The following AUTS2 variants were observed in gnomAD, a reference collection of about 807,000 sequenced individuals.
The protein encoded by AUTS2 is autism susceptibility gene 2 protein.
AUTS2 carries 17 observed loss-of-function variants against 112.4 expected under a neutral mutation model. The observed-to-expected ratio is 0.15, with a 90% confidence interval of 0.10 to 0.23. AUTS2 has a LOEUF of 0.23. Among genes scored for constraint, AUTS2 ranks in the 10% least tolerant of loss-of-function variants. AUTS2 has a pLI of 1.00. For missense variants in AUTS2, 1,510 were observed against 1,701.6 expected, an observed-to-expected ratio of 0.89 and a Z score of 1.98; for synonymous variants, 751 against 702.7, an observed-to-expected ratio of 1.07 and a Z score of -1.09.
chr7:70,560,041 C>T (rs1801416523), intron 5 of AUTS2, among the ~76,000 whole-genome samples: 1 of 152,186 alleles, frequency 6.6e-6, no homozygotes, highest in Non-Finnish European at 1.5e-5. Flanking sequence ...GTCACGCTGG[C>T]CTTTGGTCTG....
chr7:69,646,399 T>A (rs965643955), intron 1 of AUTS2, among the ~76,000 whole-genome samples: 2 of 152,198 alleles, frequency 1.3e-5, no homozygotes, highest in Non-Finnish European at 2.9e-5. Context: ...TCAGAGTGAC[T>A]TAATTGTAAC....
rs1796717969 is a variant in AUTS2, at chr7:69,679,913, G to A, written c.309+79951G>A. Among the ~76,000 whole-genome samples the A allele has an allele frequency of 2.0e-5, 3 of 152,084 alleles. No individual in the cohort carries two copies. The South Asian group carries it at 6.2e-4, about 32-fold the overall frequency. On this transcript the variant is annotated intron_variant, in intron 1 of 18. Coordinates refer to ENST00000342771, the MANE Select transcript of AUTS2 (RefSeq NM_015570.4). ...TTTTTTTAACTTTTGTGACACACAA[G>A]GACCTTTGAATGAAATCAGTCCCCT... is the stretch of plus-strand genomic sequence containing the variant.
intron 4 of AUTS2, among the ~76,000 whole-genome samples, chr7:70,322,902 C>A (rs1005590099): frequency 6.6e-6 from 1 of 152,206 alleles, no homozygotes; most frequent in Non-Finnish European, 1.5e-5. Context: ...AAAGCCCTAG[C>A]TCTCTTCATC....
chr7:70,494,477 G>C (rs1345010160), intron 5 of AUTS2, among the ~76,000 whole-genome samples: 1 of 152,136 alleles, frequency 6.6e-6, no homozygotes, highest in African/African-American at 2.4e-5. Context: ...TTTAGAGACG[G>C]GAGCCATAAT....
intron 5 of AUTS2, among the ~76,000 whole-genome samples, chr7:70,651,748 T>C (rs1377393755): frequency 6.6e-6 from 1 of 152,216 alleles, no homozygotes; most frequent in Non-Finnish European, 1.5e-5. Context: ...CATCTGTATG[T>C]TGATTTAGCT....
chr7:69,846,821 G>A (rs1792223139), intron 1 of AUTS2, among the ~76,000 whole-genome samples: 1 of 152,192 alleles, frequency 6.6e-6, no homozygotes, highest in African/African-American at 2.4e-5. Context: ...TGATCCGCCT[G>A]CCTTGGCCTC....
At chr7:70,572,810 T>C (rs905561639) in intron 5 of AUTS2, among the ~76,000 whole-genome samples, 1 of 152,232 alleles carries the variant, frequency 6.6e-6, no homozygotes, top group Non-Finnish European at 1.5e-5. Context: ...TCTGAAAATC[T>C]GGTCTGTTGC....
chr7:70,153,495 T>C (rs2129576513), intron 4 of AUTS2, among the ~76,000 whole-genome samples: 1 of 152,344 alleles, frequency 6.6e-6, no homozygotes, highest in East Asian at 1.9e-4. Context: ...TTCATTATCA[T>C]GACTGTCAGG....
Position 70,562,543 on chromosome 7 carries a change from T to A in AUTS2, c.690+126762T>A, listed in dbSNP as rs547553139. 7.2e-5 allele frequency among the ~76,000 whole-genome samples: 11 copies of A among 152,346 alleles called. No homozygotes were observed. The South Asian group carries it at 1.7e-3, about 23-fold the overall frequency. On this transcript the variant is annotated intron_variant, in intron 5 of 18. Coordinates refer to ENST00000342771, the MANE Select transcript of AUTS2 (RefSeq NM_015570.4). ...AATCTCTGCTCATTTATGTCACCAC[T>A]GTTTCATTTACATACCTCTAGGATA...
chr7:70,746,032 G>C (rs1788428814), intron 6 of AUTS2, among the ~76,000 whole-genome samples: 1 of 152,188 alleles, frequency 6.6e-6, no homozygotes, highest in African/African-American at 2.4e-5. Context: ...TTTATCAAGT[G>C]CTCACTCTGT....
chr7:70,068,181 T>C (rs1802583060), intron 2 of AUTS2, among the ~76,000 whole-genome samples: 1 of 150,230 alleles, frequency 6.7e-6, no homozygotes, highest in African/African-American at 2.4e-5. Flanking sequence ...TTTTTTTCTT[T>C]TTTTTTTTTT....
At chr7:70,596,431 C>T (rs1269477080) in intron 5 of AUTS2, 3 of 152,176 alleles carry the variant, frequency 2.0e-5, no homozygotes, top group East Asian at 1.9e-4. Context: ...CCGGCTGGCT[C>T]CAGCCGTGGT....
intron 5 of AUTS2, among the ~76,000 whole-genome samples, chr7:70,495,322 G>A (rs1201554316): frequency 6.6e-6 from 1 of 150,714 alleles, no homozygotes; most frequent in Non-Finnish European, 1.5e-5. Context: ...AGTTCCTTTT[G>A]GGGCTCACTG....
At chr7:69,754,525 G>C (rs1016190627) in intron 1 of AUTS2, among the ~76,000 whole-genome samples, 3 of 152,092 alleles carry the variant, frequency 2.0e-5, no homozygotes, top group Non-Finnish European at 2.9e-5. Context: ...TTTGCTCATG[G>C]CATGGTAGAA....
chr7:70,790,510 C>A lies in AUTS2; in HGVS notation c.3294C>A (p.Asn1098Lys). The change falls in exon 19 of 19, where the codon AAC (asparagine) becomes AAA (lysine). Residue 1098 changes from asparagine (N) to lysine (K), a missense_variant. Physicochemically the swap from Asn to Lys is moderately conservative, Grantham distance 94. Around this residue, in one of 3 missense-constraint regions of AUTS2, gnomAD observed 788 missense variants for 797.6 expected, o/e 0.99. Coordinates refer to ENST00000342771, the MANE Select transcript of AUTS2 (RefSeq NM_015570.4). This position sits in a 1 kb window ranked among gnomAD's most constrained non-coding sequence, Gnocchi z 7.6. ...DPLGRDFLLR[N>K]DPLHRLSTPR... ...TGGGCAGGGACTTCCTGCTAAGGAA[C>A]GACCCGCTCCACCGGCTCTCGACTC... 6.2e-7 allele frequency: 1 copy of A among 1,611,658 alleles called. No homozygotes were observed. Among genetic ancestry groups the A allele is most frequent in the Non-Finnish European group, 8.5e-7 (1 of 1,179,302 alleles).
intron 2 of AUTS2, among the ~76,000 whole-genome samples, chr7:69,985,831 C>T (rs1298341589): frequency 6.6e-6 from 1 of 151,874 alleles, no homozygotes; most frequent in East Asian, 1.9e-4. Context: ...ATATGATTCA[C>T]TGCAGCCTCG....
In AUTS2 at chr7:70,614,616, G is replaced by A. The variant is rs117763740; in HGVS notation, c.691-83953G>A. On this transcript the variant is annotated intron_variant, in intron 5 of 18. Coordinates refer to ENST00000342771, the MANE Select transcript of AUTS2 (RefSeq NM_015570.4). ...AGAGCCAGTTGACAGCTTCAGAGGC[G>A]TGGCTTTTGTCCTCCTCTCTGCTGC... is the stretch of plus-strand genomic sequence containing the variant. 1.0e-3 allele frequency among the ~76,000 whole-genome samples: 154 copies of A among 152,296 alleles called. 4 individuals carry two copies. The East Asian group carries it at 0.026, about 25-fold the overall frequency.
chr7:70,145,823 G>C (rs974831256), intron 4 of AUTS2, among the ~76,000 whole-genome samples: 3 of 152,096 alleles, frequency 2.0e-5, no homozygotes, highest in African/African-American at 7.2e-5. Flanking sequence ...ACAAAGGGTT[G>C]TACCACGCTT....
At chr7:70,296,373 C>T (rs1367310058) in intron 4 of AUTS2, among the ~76,000 whole-genome samples, 2 of 152,168 alleles carry the variant, frequency 1.3e-5, no homozygotes, top group African/African-American at 2.4e-5. Flanking sequence ...TGAAAAGTAT[C>T]TGTTTTTAAA....
Sources: gnomAD v4.1 joint callset for allele counts (sites outside exome capture counted in the v4.1 genomes callset) on GRCh38, gnomAD v4.1.1 for gene constraint, gnomAD v4.1.1 regional missense constraint, Gnocchi (gnomAD v3.1) non-coding constraint, MANE v1.5 for transcripts, NCBI Gene and HGNC (gene_info 2026-07-23, HGNC 2026-07-21) for gene names.